The following NISCH variants were observed in gnomAD, a reference collection of about 807,000 sequenced individuals.
The protein encoded by NISCH is I-1 receptor candidate protein.
NISCH carries 55 observed loss-of-function variants against 138.4 expected under a neutral mutation model. The observed-to-expected ratio is 0.40, with a 90% confidence interval of 0.32 to 0.50. NISCH has a LOEUF of 0.50. Among genes scored for constraint, NISCH ranks in the 20% least tolerant of loss-of-function variants. The pLI is 0.71. For missense variants in NISCH, 1,643 were observed against 2,005.5 expected (o/e 0.82, Z 3.45); for synonymous variants, 860 against 861.5 (o/e 1.00, Z 0.03).
intron 19 of NISCH, 127 bp downstream of exon 19, chr3:52,490,960 C>T (rs1707546052): frequency 1.5e-5 from 19 of 1,304,670 alleles, no homozygotes; most frequent in Middle Eastern, 2.5e-4. Flanking sequence ...ACTTCTTAAC[C>T]GGGGTGGGAG....
rs545638020 is a variant in NISCH, at chr3:52,458,572, A to G, written c.178-90A>G. 75 of 1,130,514 alleles carry G rather than the reference A, an allele frequency of 6.6e-5. No homozygotes were observed. In the African/African-American group the frequency reaches 1.1e-3, roughly 16 times the overall value. The allele number at this position is 1,130,514 out of a possible 1,614,324, so 70.0% of individuals were successfully genotyped here. A position where few individuals can be genotyped will look rare whatever the true frequency, so the allele number is the denominator to read the frequency against. ...GCAGGGAGGGGCTGTGCAAGTGCTGACAAGCGCCTGCCCTCAAGCTTCTTG... is the reference window on the plus strand; with the variant it reads ...GCAGGGAGGGGCTGTGCAAGTGCTGGCAAGCGCCTGCCCTCAAGCTTCTTG... On this transcript the variant is annotated intron_variant, in intron 2 of 20. Transcript: ENST00000345716.
At chr3:52,470,585 G>GC (rs1706916558) in intron 3 of NISCH, 2 of 516,466 alleles carry the variant, frequency 3.9e-6, no homozygotes, top group African/African-American at 3.8e-5. Context: ...GGCCTCCTGG[G>GC]CTACAGTGCC....
Position 52,480,358 on chromosome 3 carries a change from G to T in NISCH, c.1528+63G>T, listed in dbSNP as rs778256305. ...CAGCCCTGCCTGGGCCCCCTGGCTG[G>T]GCTGGGGTTGGGGGAGAGGTGCCAG... On this transcript the variant is annotated intron_variant, in intron 13 of 20. Coordinates refer to ENST00000345716, the MANE Select transcript of NISCH (RefSeq NM_007184.4). 58 of 1,597,434 alleles carry T rather than the reference G, an allele frequency of 3.6e-5. No individual in the cohort carries two copies. The East Asian group carries it at 7.1e-4, about 20-fold the overall frequency.
intron 3 of NISCH, among the ~76,000 whole-genome samples, chr3:52,460,186 CAAAAA>C (rs60865450): frequency 7.1e-5 from 4 of 56,194 alleles, no homozygotes; most frequent in East Asian, 5.8e-4. Flanking sequence ...GACTTCATCT[CAAAAA>C]AAAAAAAAAA....
At chr3:52,470,034 T>C (rs1365451310) in intron 3 of NISCH, among the ~76,000 whole-genome samples, 1 of 150,210 alleles carries the variant, frequency 6.7e-6, no homozygotes, top group Non-Finnish European at 1.5e-5. Flanking sequence ...CAGTGAGCTA[T>C]GGTCATACCA....
intron 9 of NISCH, 193 bp downstream of exon 9, chr3:52,477,835 T>C (rs1046245382): frequency 7.9e-6 from 5 of 630,878 alleles, no homozygotes; most frequent in Admixed American, 2.8e-5. Context: ...CATGAGTAAA[T>C]ACAAACCAGG....
At chr3:52,485,913 G>GT in intron 15 of NISCH, 86 bp downstream of exon 15, 5 of 1,376,058 alleles carry the variant, frequency 3.6e-6, no homozygotes, top group Non-Finnish European at 5.0e-6. Flanking sequence ...GGCCAGTCAG[G>GT]TTTTTTTAAA....
At position 52,480,184 on chromosome 3, in the gene NISCH, G is replaced by A; in HGVS notation, c.1417G>A (p.Gly473Ser). 2 of 1,613,844 alleles carry A rather than the reference G, an allele frequency of 1.2e-6. No individual in the cohort carries two copies. The highest frequency in any genetic ancestry group is 1.1e-5 in the South Asian group (1 of 91,082). Residue 473 changes from glycine to serine, a missense_variant and splice_region_variant, in exon 13 of 21, where the codon GGT becomes AGT. Transcript: ENST00000345716. ...GGCTGACTCAAGCACTCGTCCTCAG[G>A]GTGGTGAAGACTCCCGGCTCTCAGC... ...KSKLSNPEKK[G>S]GEDSRLSAAP...
Position 52,487,084 on chromosome 3 carries a change from C to G in NISCH, c.1704-112C>G, listed in dbSNP as rs896594228. The G allele has an allele frequency of 4.8e-6, 6 of 1,247,014 alleles. No homozygotes were observed. The highest frequency in any genetic ancestry group is 1.5e-5 in the African/African-American group (1 of 66,788). 77.2% of individuals were successfully genotyped at this position (1,247,014 alleles called of 1,614,324 possible). ...TGGCCATGTGGGAGGCTTGGGAGAC[C>G]CATGGGTTGGTTTCTCAGGGTCAGG... On this transcript the variant is annotated intron_variant, in intron 15 of 20. Coordinates refer to ENST00000345716, the MANE Select transcript of NISCH (RefSeq NM_007184.4). The surrounding 1 kb of genome is among the most constrained non-coding windows in gnomAD (Gnocchi z 9.1).
At chr3:52,463,398 G>T (rs896860721) in intron 3 of NISCH, among the ~76,000 whole-genome samples, 25 of 152,222 alleles carry the variant, frequency 1.6e-4, no homozygotes, top group African/African-American at 6.0e-4. Flanking sequence ...CATTGCAAAT[G>T]ATGCTGCTAT....
intron 13 of NISCH, 51 bp from the exon 14 acceptor site, chr3:52,484,462 T>TTGGCGGCC: frequency 1.3e-6 from 1 of 788,670 alleles, no homozygotes; most frequent in African/African-American, 1.8e-5. Flanking sequence ...ACAGCCGCTC[T>TTGGCGGCC]CCCCGCCCCA....
At chr3:52,459,309 G>C (rs1399162103) in intron 3 of NISCH, among the ~76,000 whole-genome samples, 1 of 152,218 alleles carries the variant, frequency 6.6e-6, no homozygotes, top group Non-Finnish European at 1.5e-5. Context: ...ACACCTTCCT[G>C]TGATGGGAGA....
intron 7 of NISCH, 21 bp from the exon 8 acceptor site, chr3:52,476,426 C>T: frequency 6.2e-7 from 1 of 1,613,526 alleles, no homozygotes; most frequent in Non-Finnish European, 8.5e-7. Context: ...TGTGGTGCTC[C>T]ACACAGATGT....
At chr3:52,480,089 G>T in intron 12 of NISCH, 95 bp from the exon 13 acceptor site, 2 of 1,367,312 alleles carry the variant, frequency 1.5e-6, no homozygotes, top group Non-Finnish European at 2.1e-6. Flanking sequence ...CCACCCAGTT[G>T]GTGGGAACCG....
intron 3 of NISCH, among the ~76,000 whole-genome samples, chr3:52,462,680 G>C (rs1359354079): frequency 6.6e-6 from 1 of 152,096 alleles, no homozygotes; most frequent in Non-Finnish European, 1.5e-5. Context: ...TTACTGGCCA[G>C]GCTGGAGTGC....
rs768978811 is a variant in NISCH at position 52,489,333 on chromosome 3, C to T, written c.3114-3C>T. On this transcript the variant is annotated splice_region_variant and splice_polypyrimidine_tract_variant and intron_variant, in intron 16 of 20. Transcript: ENST00000345716. ...TTAATATGGTGTTTTTCGGGGGATA[C>T]AGCAATGACCAGCGTCCCCAGGAGG... is the stretch of plus-strand genomic sequence containing the variant. 10 of 1,609,026 alleles carry T rather than the reference C, an allele frequency of 6.2e-6. No homozygotes were observed. The Admixed American group carries it at 1.0e-4, about 16-fold the overall frequency.
At chr3:52,489,234 G>A (rs56332579) in intron 16 of NISCH, 102 bp from the exon 17 acceptor site, 20 of 1,383,370 alleles carry the variant, frequency 1.4e-5, no homozygotes, top group South Asian at 8.1e-5. Flanking sequence ...TAACCCAGAG[G>A]TGATGTGTGA....
rs776351334 is a variant in NISCH, at chr3:52,488,177, C to T, written c.2685C>T (p.Cys895=). 5.0e-6 allele frequency: 8 copies of T among 1,613,314 alleles called. No individual in the cohort carries two copies. Among genetic ancestry groups the T allele is most frequent in the East Asian group, 2.2e-5 (1 of 44,872 alleles). ...GTTCAGCCGTGCGGCGCTCCTGCTG[C>T]GCGCCCTCTGAGGCCGTCAAGTCCG... The part of the protein sequence containing the change: ...TLCSAVRRSC[C]APSEAVKSAA... Residue 895 remains cysteine, a synonymous_variant, in exon 16 of 21, where the codon TGC becomes TGT. Coordinates refer to ENST00000345716, the MANE Select transcript of NISCH (RefSeq NM_007184.4).
Position 52,487,109 on chromosome 3 carries a change from G to A in NISCH, c.1704-87G>A, listed in dbSNP as rs1707419430. The A allele has an allele frequency of 1.4e-6, 2 of 1,475,040 alleles. No homozygotes were observed. Among genetic ancestry groups the A allele is most frequent in the East Asian group, 4.6e-5 (2 of 43,904 alleles). The allele number at this position is 1,475,040 out of a possible 1,614,324, so 91.4% of individuals were successfully genotyped here. On this transcript the variant is annotated intron_variant, in intron 15 of 20. Transcript: ENST00000345716. The surrounding 1 kb of genome is among the most constrained non-coding windows in gnomAD (Gnocchi z 9.1). ...CCATGGGTTGGTTTCTCAGGGTCAG[G>A]GTGTAGCAGTGGGCTCCAGATGTGG... is the stretch of plus-strand genomic sequence containing the variant.
Sources: gnomAD v4.1 joint callset for allele counts (sites outside exome capture counted in the v4.1 genomes callset) on GRCh38, gnomAD v4.1.1 for gene constraint, Gnocchi (gnomAD v3.1) non-coding constraint, MANE v1.5 for transcripts, NCBI Gene and HGNC (gene_info 2026-07-23, HGNC 2026-07-21) for gene names.